Variants in NPC1 observed in about 807,000 individuals in gnomAD.
NPC1 encodes the protein Niemann-Pick C1 protein.
A neutral mutation model predicts 140.4 loss-of-function variants in NPC1; 85 were observed. That is an observed-to-expected ratio of 0.61 (90% CI 0.51 to 0.72). The LOEUF (loss-of-function observed/expected upper bound fraction) is 0.72, where lower values mean the gene tolerates loss of function less well. Among genes scored for constraint, NPC1 ranks in the 30% least tolerant of loss-of-function variants. The pLI, the probability that NPC1 is intolerant of heterozygous loss-of-function variation, is 0.00. For missense variants in NPC1, 1,504 were observed against 1,623.8 expected (o/e 0.93, Z 1.27); for synonymous variants, 656 against 624.8 (o/e 1.05, Z -0.74).
At chr18:23,584,633 C>T (rs1168462256) in intron 1 of NPC1, among the ~76,000 whole-genome samples, 1 of 152,070 alleles carries the variant, frequency 6.6e-6, no homozygotes, top group Admixed American at 6.6e-5. Flanking sequence ...AAGAGGAGGG[C>T]GGATCGCTAG....
chr18:23,560,983 T>C (rs1412743506), intron 5 of NPC1, among the ~76,000 whole-genome samples: 1 of 152,230 alleles, frequency 6.6e-6, no homozygotes, highest in Non-Finnish European at 1.5e-5. Context: ...TTTATCTTCC[T>C]ATTGTAGATT....
chr18:23,531,532 A>C lies in NPC1; in HGVS notation c.*670T>G. The C allele has an allele frequency of 6.5e-7, 1 of 1,528,620 alleles. No homozygotes were observed. The highest frequency in any genetic ancestry group is 1.3e-5 in the South Asian group (1 of 77,726). The allele number at this position is 1,528,620 out of a possible 1,614,324, so 94.7% of individuals were successfully genotyped here. ...ACAATGTATTTTATTAAAGAAAAAT[A>C]AGTTAAAACCCAGTAGACACACCTA... is the stretch of plus-strand genomic sequence containing the variant. On this transcript the variant is annotated 3_prime_UTR_variant, in exon 25 of 25. Coordinates refer to ENST00000269228, the MANE Select transcript of NPC1 (RefSeq NM_000271.5).
At chr18:23,520,350 T>G, downstream of NPC1, 1 of 1,506,706 alleles carries the variant, frequency 6.6e-7, no homozygotes, top group Non-Finnish European at 9.2e-7. Flanking sequence ...GTGCTGCCCT[T>G]TCACCATGTG....
chr18:23,572,898 T>G (rs1186028109), intron 2 of NPC1, among the ~76,000 whole-genome samples: 1 of 152,242 alleles, frequency 6.6e-6, no homozygotes, highest in East Asian at 1.9e-4. Context: ...TCATGTCGAC[T>G]TGACTTTTGA....
downstream of NPC1, chr18:23,519,031 G>C (rs189797364): frequency 2.7e-3 from 4,355 of 1,612,506 alleles, 97 homozygotes; most frequent in African/African-American, 0.052. Flanking sequence ...AATGTGAACT[G>C]CAGCTTGTTG....
chr18:23,538,449 C>T (rs555243213), intron 20 of NPC1, 93 bp downstream of exon 20: 1 of 1,473,412 alleles, frequency 6.8e-7, no homozygotes, highest in Non-Finnish European at 9.5e-7. Flanking sequence ...AAGAGACGTT[C>T]CCATGCAACT....
In NPC1 at chr18:23,532,228, C is replaced by G. The variant is rs140527006; in HGVS notation, c.3811G>C (p.Glu1271Gln). ...TAGAAATTTAGAAGCCGTTCGCGCT[C>G]TGTTCCTTTGTATCGCTCTTCAGTG... ...CATEERYKGT[E>Q]RERLLNF Residue 1271 changes from glutamate (E) to glutamine (Q), a missense_variant, in exon 25 of 25, where the codon GAG becomes CAG. By Grantham distance (29) the Glu-to-Gln change is conservative. Coordinates refer to ENST00000269228, the MANE Select transcript of NPC1 (RefSeq NM_000271.5). 19 of 1,614,092 alleles carry G rather than the reference C, an allele frequency of 1.2e-5. No homozygotes were observed. The African/African-American group carries it at 2.4e-4, about 20-fold the overall frequency.
At chr18:23,524,298 T>C, downstream of NPC1, 2 of 1,482,280 alleles carry the variant, frequency 1.3e-6, no homozygotes, top group South Asian at 2.3e-5. Flanking sequence ...GCAGGCAGCT[T>C]CCCTGACTGT....
rs34302553 is a variant in NPC1 at position 23,539,875 on chromosome 18, C to T, written c.2731G>A (p.Gly911Ser). The T allele has an allele frequency of 8.0e-4, 1,298 of 1,614,180 alleles. 5 individuals carry two copies. The African/African-American group carries it at 0.01, about 13-fold the overall frequency. ...SSKGQNMVCG[G>S]MGCNNDSLVQ... ...AGGGAATCATTGTTGCAGCCCATGCCGCCGCACACCATGTTCTGCCCCTTG... is the reference window on the plus strand; with the variant it reads ...AGGGAATCATTGTTGCAGCCCATGCTGCCGCACACCATGTTCTGCCCCTTG... The change falls in exon 18 of 25, where the codon GGC becomes AGC. Residue 911 changes from glycine to serine, a missense_variant. Gly to Ser is a moderately conservative substitution (Grantham distance 56, BLOSUM62 0). Coordinates refer to ENST00000269228, the MANE Select transcript of NPC1 (RefSeq NM_000271.5).
At chr18:23,538,692 G>C (rs1056767266) in intron 19 of NPC1, 21 bp from the exon 20 acceptor site, 1 of 1,613,478 alleles carries the variant, frequency 6.2e-7, no homozygotes, top group African/African-American at 1.3e-5. Context: ...CATGCAGGGA[G>C]GACTGTTAGA....
intron 3 of NPC1, among the ~76,000 whole-genome samples, chr18:23,511,310 G>C (rs1038738379): frequency 6.6e-6 from 1 of 152,106 alleles, no homozygotes; most frequent in African/African-American, 2.4e-5. Flanking sequence ...CAACAGACAC[G>C]GGGGGCTACT....
chr18:23,529,038 A>G (rs2058397874), downstream of NPC1: 2 of 1,378,020 alleles, frequency 1.5e-6, no homozygotes, highest in Non-Finnish European at 1.9e-6. Flanking sequence ...CGCACAGGAA[A>G]AAGTTGTATC....
downstream of NPC1, chr18:23,518,820 G>A (rs890144324): frequency 1.3e-5 from 18 of 1,377,626 alleles, no homozygotes; most frequent in Middle Eastern, 7.2e-4. Flanking sequence ...TTACTTAACC[G>A]TGATGCCATT....
chr18:23,546,193 G>A (rs1237918810), intron 11 of NPC1, among the ~76,000 whole-genome samples: 1 of 138,676 alleles, frequency 7.2e-6, no homozygotes, highest in Non-Finnish European at 1.5e-5. Context: ...AGGCTGCAGC[G>A]AGCTGAGATC....
At chr18:23,566,357 C>G (rs1736410158) in intron 4 of NPC1, among the ~76,000 whole-genome samples, 1 of 152,142 alleles carries the variant, frequency 6.6e-6, no homozygotes, top group African/African-American at 2.4e-5. Context: ...GTATTCCAGC[C>G]TGGGTGACAG....
chr18:23,516,229 C>A, intron 3 of NPC1: 4 of 1,460,416 alleles, frequency 2.7e-6, no homozygotes, highest in Non-Finnish European at 3.8e-6. Context: ...AAGACGAAGT[C>A]TGTGTTTATC....
At chr18:23,571,338 T>A (rs1030965404) in intron 3 of NPC1, among the ~76,000 whole-genome samples, 9 of 151,384 alleles carry the variant, frequency 5.9e-5, no homozygotes, top group Non-Finnish European at 1.2e-4. Context: ...GCCAACATAG[T>A]GAGACCCTCA....
intron 13 of NPC1, 91 bp downstream of exon 13, chr18:23,544,253 A>G (rs1420802780): frequency 2.4e-6 from 3 of 1,236,168 alleles, no homozygotes; most frequent in East Asian, 4.8e-5. Flanking sequence ...ACACCCTCAC[A>G]GGTCACACTC....
chr18:23,575,642 T>G (rs1405395883), intron 1 of NPC1, among the ~76,000 whole-genome samples: 1 of 151,936 alleles, frequency 6.6e-6, no homozygotes, highest in East Asian at 1.9e-4. Flanking sequence ...TCTACCTGCT[T>G]GAGACCTCGG....
Sources: gnomAD v4.1 joint callset for allele counts (sites outside exome capture counted in the v4.1 genomes callset) on GRCh38, gnomAD v4.1.1 for gene constraint, MANE v1.5 for transcripts, NCBI Gene and HGNC (gene_info 2026-07-23, HGNC 2026-07-21) for gene names.